PARP15: variants seen among roughly 807,000 people sequenced by gnomAD.
PARP15 encodes the protein protein mono-ADP-ribosyltransferase PARP15.
In PARP15, 50 loss-of-function variants were observed where a neutral mutation model predicts 62.1. The observed-to-expected ratio is 0.81, with a 90% confidence interval of 0.64 to 1.02. The LOEUF is 1.02. Among genes scored for constraint, PARP15 ranks in the 50% least tolerant of loss-of-function variants. The probability of loss-of-function intolerance (pLI) is 0.00; values close to 1 mark genes in which losing one functional copy is unlikely to be tolerated. For missense variants in PARP15, 820 were observed against 826.5 expected (o/e 0.99, Z 0.10); for synonymous variants, 309 against 293.1 (o/e 1.05, Z -0.55).
chr3:122,619,973 G>C (rs1936237224), intron 7 of PARP15, 130 bp downstream of exon 7: 13 of 789,026 alleles, frequency 1.6e-5, no homozygotes. Flanking sequence ...TTGGTTCACT[G>C]GAAGAGCAGG....
chr3:122,588,488 G>A (rs1341831746), intron 1 of PARP15, among the ~76,000 whole-genome samples: 1 of 151,850 alleles, frequency 6.6e-6, no homozygotes, highest in Non-Finnish European at 1.5e-5. Flanking sequence ...TGAGTCCACT[G>A]CTATCTACTT....
intron 9 of PARP15, 112 bp from the exon 10 acceptor site, chr3:122,631,974 C>T: frequency 8.4e-6 from 10 of 1,195,892 alleles, no homozygotes; most frequent in Non-Finnish European, 1.2e-5. Context: ...TGTGTAACTT[C>T]TCCTTTAAAG....
At chr3:122,588,199 T>A (rs973603523) in intron 1 of PARP15, among the ~76,000 whole-genome samples, 1 of 152,170 alleles carries the variant, frequency 6.6e-6, no homozygotes, top group African/African-American at 2.4e-5. Context: ...TTTATTTTAT[T>A]ATATCTATAA....
rs1451112474 is a variant in PARP15, at chr3:122,621,455, C to T, written c.1075C>T (p.His359Tyr). 6.2e-7 allele frequency: 1 copy of T among 1,611,120 alleles called. No homozygotes were observed. The highest frequency in any genetic ancestry group is 1.3e-5 in the African/African-American group (1 of 74,718). The change falls in exon 8 of 12, where the codon CAC becomes TAC. Residue 359 changes from histidine (H) to tyrosine (Y), a missense_variant. Transcript: ENST00000464300. The stretch of plus-strand genomic sequence containing the variant: ...TTCCTTTTTTTCAGCTGCACAGCCT[C>T]ACAGAGATTTTATAATTACACCAGG... The part of the protein sequence containing the change: ...SECAVLAAQP[H>Y]RDFIITPGGC...
intron 1 of PARP15, among the ~76,000 whole-genome samples, chr3:122,597,786 G>A (rs1003430752): frequency 6.6e-5 from 10 of 152,220 alleles, no homozygotes; most frequent in African/African-American, 2.4e-4. Context: ...AGTATCCACA[G>A]GGGATAGATT....
rs1174706877 is a variant in PARP15, at chr3:122,604,849, A to C, written c.187-1087A>C. 2.0e-5 allele frequency among the ~76,000 whole-genome samples: 3 copies of C among 151,828 alleles called. No individual in the cohort carries two copies. The East Asian group carries it at 5.8e-4, about 29-fold the overall frequency. ...ACACTCCAGCCTGGGTGACAGGGCAAGACTCTGTTCAAAAAGAAAAGAAAA... is the reference window on the plus strand; with the variant it reads ...ACACTCCAGCCTGGGTGACAGGGCACGACTCTGTTCAAAAAGAAAAGAAAA... On this transcript the variant is annotated intron_variant, in intron 1 of 11. Coordinates refer to ENST00000464300, the MANE Select transcript of PARP15 (RefSeq NM_001113523.3).
At chr3:122,602,244 T>C (rs1387379859) in intron 1 of PARP15, among the ~76,000 whole-genome samples, 1 of 152,136 alleles carries the variant, frequency 6.6e-6, no homozygotes, top group African/African-American at 2.4e-5. Flanking sequence ...TTTGGGAGAC[T>C]GAAGGGTGCC....
At chr3:122,621,333 A>T (rs1936324567) in intron 7 of PARP15, 111 bp from the exon 8 acceptor site, 1 of 1,162,384 alleles carries the variant, frequency 8.6e-7, no homozygotes, top group African/African-American at 1.6e-5. Context: ...CTCGAGTGAG[A>T]CTGGGCTTCA....
intron 9 of PARP15, among the ~76,000 whole-genome samples, chr3:122,629,237 A>T (rs1936916450): frequency 6.6e-6 from 1 of 152,158 alleles, no homozygotes; most frequent in Non-Finnish European, 1.5e-5. Context: ...ATCTTGGCTC[A>T]CTGCAACCGC....
chr3:122,587,698 A>AT (rs1475671537), intron 1 of PARP15, among the ~76,000 whole-genome samples: 3 of 151,808 alleles, frequency 2.0e-5, no homozygotes, highest in African/African-American at 4.8e-5. Flanking sequence ...TATTTTGTTT[A>AT]TTTTTTGTAG....
At chr3:122,624,665 C>T (rs1011320023) in intron 8 of PARP15, among the ~76,000 whole-genome samples, 26 of 152,232 alleles carry the variant, frequency 1.7e-4, no homozygotes, top group African/African-American at 5.5e-4. Context: ...CACTGTTTCC[C>T]CCACTTTGAC....
intron 4 of PARP15, chr3:122,615,250 A>G (rs1935877875): frequency 7.8e-7 from 1 of 1,285,372 alleles, no homozygotes; most frequent in Admixed American, 2.3e-5. Context: ...TCAATGTCTG[A>G]GGTTTTCTAA....
chr3:122,595,500 C>A (rs1296475559), intron 1 of PARP15, among the ~76,000 whole-genome samples: 3 of 152,146 alleles, frequency 2.0e-5, no homozygotes, highest in Admixed American at 6.5e-5. Context: ...GTTTTTCACT[C>A]GCTGCTAGGA....
chr3:122,610,797 G>T (rs1935511667), intron 3 of PARP15, 67 bp downstream of exon 3: 1 of 1,381,258 alleles, frequency 7.2e-7, no homozygotes, highest in Non-Finnish European at 9.6e-7. Context: ...GTGTGGTATA[G>T]ATCTGTGCTC....
intron 8 of PARP15, among the ~76,000 whole-genome samples, chr3:122,623,628 G>C (rs1389022792): frequency 2.0e-5 from 3 of 152,164 alleles, no homozygotes. Context: ...GAAGTGGGAG[G>C]CCATGAAATG....
At position 122,635,846 on chromosome 3, in the gene PARP15, G is replaced by T; in HGVS notation, c.1783G>T (p.Asp595Tyr). 6.2e-7 allele frequency: 1 copy of T among 1,613,850 alleles called. No homozygotes were observed. The highest frequency in any genetic ancestry group is 8.5e-7 in the Non-Finnish European group (1 of 1,179,908). ...SYGKGTYFAV[D>Y]ASYSAKDTYS... Reference sequence around the variant, plus strand: ...TGGAAAAGGAACCTATTTTGCTGTGGATGCCAGTTATTCTGCCAAGGACAC... The same window carrying T: ...TGGAAAAGGAACCTATTTTGCTGTGTATGCCAGTTATTCTGCCAAGGACAC... Residue 595 changes from aspartate to tyrosine, a missense_variant, in exon 12 of 12, where the codon GAT (aspartate) becomes TAT (tyrosine). This residue lies in a region of PARP15 where 731 missense variants were observed against 727.7 expected (regional missense o/e 1.00). Coordinates refer to ENST00000464300, the MANE Select transcript of PARP15 (RefSeq NM_001113523.3).
chr3:122,577,848 A>G lies in PARP15; in HGVS notation c.181A>G (p.Ser61Gly). 6.5e-7 allele frequency: 1 copy of G among 1,547,794 alleles called. No individual in the cohort carries two copies. The highest frequency in any genetic ancestry group is 2.0e-5 in the Admixed American group (1 of 50,666). The change falls in exon 1 of 12, where the codon AGT becomes GGT. Residue 61 changes from serine (S) to glycine (G), a missense_variant. By Grantham distance (56) the Ser-to-Gly change is moderately conservative. Around this residue, in one of 3 missense-constraint regions of PARP15, gnomAD observed 731 missense variants for 727.7 expected, o/e 1.00. Transcript: ENST00000464300. Reference protein sequence around the residue: ...RKASRRSSSRSMSRDNKFSKK... With the variant: ...RKASRRSSSRGMSRDNKFSKK... The stretch of plus-strand genomic sequence containing the variant: ...GGCCTCCCGGCGCTCTTCCTCCCGG[A>G]GTATGGTGAGGAGCGCGGGGGACGG...
intron 7 of PARP15, among the ~76,000 whole-genome samples, chr3:122,620,516 A>T (rs367782583): frequency 6.6e-5 from 10 of 152,312 alleles, no homozygotes; most frequent in African/African-American, 2.4e-4. Flanking sequence ...CAATGCCTGA[A>T]ACTCCTATCT....
Position 122,618,542 on chromosome 3 carries a change from A to G in PARP15, c.1001-1239A>G, listed in dbSNP as rs941242375. On this transcript the variant is annotated intron_variant, in intron 6 of 11. Coordinates refer to ENST00000464300, the MANE Select transcript of PARP15 (RefSeq NM_001113523.3). ...ATCTGGGAAGGCAGGGGGCAAGTAC[A>G]GAGATGAAAATAAGATTGAATGAAA... Among the ~76,000 whole-genome samples the G allele has an allele frequency of 6.6e-5, 10 of 152,200 alleles. 1 individual carries two copies. Among genetic ancestry groups the G allele is most frequent in the Admixed American group, 5.2e-4 (8 of 15,280 alleles).
Sources: gnomAD v4.1 joint callset for allele counts (sites outside exome capture counted in the v4.1 genomes callset) on GRCh38, gnomAD v4.1.1 for gene constraint, gnomAD v4.1.1 regional missense constraint, MANE v1.5 for transcripts, NCBI Gene and HGNC (gene_info 2026-07-23, HGNC 2026-07-21) for gene names.